Variants in DHRSX observed in about 807,000 individuals in gnomAD.
DHRSX encodes dehydrogenase/reductase X-linked.
In DHRSX, 31 loss-of-function variants were observed where a neutral mutation model predicts 34.0. The observed-to-expected ratio is 0.91, with a 90% CI of 0.69 to 1.23. The LOEUF (loss-of-function observed/expected upper bound fraction) is 1.23. Among genes scored for constraint, DHRSX ranks in the 50% most tolerant of loss-of-function variants. The pLI, the probability that DHRSX is intolerant of heterozygous loss-of-function variation, is 0.00. For missense variants in DHRSX, 414 were observed against 428.1 expected (o/e 0.97, Z 0.29); for synonymous variants, 201 against 183.8 (o/e 1.09, Z -0.76).
At chrX:2,226,494 T>G (rs2015663910) in intron 6 of DHRSX, among the ~76,000 whole-genome samples, 1 of 152,114 alleles carries the variant, frequency 6.6e-6, no homozygotes, top group Non-Finnish European at 1.5e-5. Context: ...GGCCCAGCCC[T>G]TTGTGATCTT....
intron 3 of DHRSX, among the ~76,000 whole-genome samples, chrX:2,351,633 T>C (rs935701460): frequency 3.3e-5 from 5 of 152,190 alleles, no homozygotes; most frequent in African/African-American, 1.2e-4. Context: ...CAGCCCTGAC[T>C]TCCTGCATGG....
At chrX:2,357,905 G>C (rs2042877156) in intron 3 of DHRSX, among the ~76,000 whole-genome samples, 1 of 151,920 alleles carries the variant, frequency 6.6e-6, no homozygotes, top group African/African-American at 2.4e-5. Context: ...ACATCACTGG[G>C]GTGTGGCTAC....
chrX:2,232,026 T>TCTCCTCCTC (rs2015903739), intron 6 of DHRSX, among the ~76,000 whole-genome samples: 1 of 24,174 alleles, frequency 4.1e-5, no homozygotes, highest in Non-Finnish European at 7.5e-5. Context: ...TCCTCCTTCT[T>TCTCCTCCTC]CCTTCTCCTC....
In DHRSX at chrX:2,376,379, G is replaced by C. The variant is rs1464189872; in HGVS notation, c.286+32366C>G. On this transcript the variant is annotated intron_variant, in intron 3 of 6. Coordinates refer to ENST00000334651, the MANE Select transcript of DHRSX (RefSeq NM_145177.3). Reference sequence around the variant, plus strand: ...AGCATCATTCACAATGCTGGTGTCTGTTACCCACAGAGGATGACATCGTCA... The same window carrying C: ...AGCATCATTCACAATGCTGGTGTCTCTTACCCACAGAGGATGACATCGTCA... 4.4e-5 allele frequency among the ~76,000 whole-genome samples: 6 copies of C among 137,422 alleles called. 2 individuals carry two copies. Among genetic ancestry groups the C allele is most frequent in the Non-Finnish European group, 1.0e-4 (6 of 58,214 alleles). 90.2% of individuals were successfully genotyped at this position (137,422 alleles called of 152,430 possible). A position where few individuals can be genotyped will look rare whatever the true frequency, so the allele number is the denominator to read the frequency against.
intron 1 of DHRSX, among the ~76,000 whole-genome samples, chrX:2,443,170 G>A (rs1039460909): frequency 6.6e-6 from 1 of 152,024 alleles, no homozygotes; most frequent in African/African-American, 2.4e-5. Flanking sequence ...GTAGCTGGGA[G>A]CAGATGCACA....
Position 2,249,513 on chromosome X carries a change from C to CTTTTTT in DHRSX, c.597-6289_597-6284dup, listed in dbSNP as rs753035485. ...CCACCACGCTCAGCCCTTTTTGTGC[C>CTTTTTT]TTTTTTTTTTTTTTTTTTTTTTTTT... On this transcript the variant is annotated intron_variant, in intron 5 of 6. Coordinates refer to ENST00000334651, the MANE Select transcript of DHRSX (RefSeq NM_145177.3). Among the ~76,000 whole-genome samples the CTTTTTT allele has an allele frequency of 1.1e-3, 78 of 70,192 alleles. 5 individuals carry two copies. The highest frequency in any genetic ancestry group is 3.4e-3 in the African/African-American group (72 of 21,066). The allele number at this position is 70,192 out of a possible 152,430, so 46.0% of individuals were successfully genotyped here.
At chrX:2,460,852 G>T (rs1334576383) in intron 1 of DHRSX, among the ~76,000 whole-genome samples, 1 of 151,940 alleles carries the variant, frequency 6.6e-6, no homozygotes, top group African/African-American at 2.4e-5. Flanking sequence ...CAAAGTGCAG[G>T]TATTACAAGC....
At chrX:2,387,066 G>A (rs2043280987) in intron 3 of DHRSX, among the ~76,000 whole-genome samples, 1 of 152,076 alleles carries the variant, frequency 6.6e-6, no homozygotes, top group South Asian at 2.1e-4. Flanking sequence ...TATTTTGGCT[G>A]CATTCTGCAG....
At chrX:2,414,790 C>A (rs1227136902) in intron 2 of DHRSX, among the ~76,000 whole-genome samples, 2 of 152,046 alleles carry the variant, frequency 1.3e-5, no homozygotes, top group Non-Finnish European at 2.9e-5. Context: ...CTCATCATGA[C>A]CCAATACAAG....
intron 5 of DHRSX, among the ~76,000 whole-genome samples, chrX:2,245,847 A>G (rs113911591): frequency 3.3e-5 from 5 of 151,090 alleles, no homozygotes; most frequent in Admixed American, 2.0e-4. Flanking sequence ...CTGTAGTCCC[A>G]GCTACTCCGG....
At chrX:2,237,871 G>A (rs900279794) in intron 6 of DHRSX, among the ~76,000 whole-genome samples, 7 of 152,010 alleles carry the variant, frequency 4.6e-5, no homozygotes, top group African/African-American at 9.7e-5. Flanking sequence ...TAATAGCCAC[G>A]TTCATTTGCT....
intron 5 of DHRSX, among the ~76,000 whole-genome samples, chrX:2,263,332 C>A (rs1479034338): frequency 2.6e-5 from 4 of 152,056 alleles, no homozygotes; most frequent in Non-Finnish European, 5.9e-5. Flanking sequence ...AAGGGGACCC[C>A]AGAGAGCTCC....
At chrX:2,468,181 C>T (rs2044526617) in intron 1 of DHRSX, among the ~76,000 whole-genome samples, 1 of 152,108 alleles carries the variant, frequency 6.6e-6, no homozygotes, top group African/African-American at 2.4e-5. Context: ...GGTTCTGAAC[C>T]TCTGATCTGG....
At chrX:2,271,639 T>A (rs2041556440) in intron 4 of DHRSX, among the ~76,000 whole-genome samples, 1 of 152,140 alleles carries the variant, frequency 6.6e-6, no homozygotes, top group South Asian at 2.1e-4. Flanking sequence ...CCAGTATCAA[T>A]CAGTCACAAG....
chrX:2,451,204 G>A (rs1161193952), intron 1 of DHRSX, among the ~76,000 whole-genome samples: 1 of 149,804 alleles, frequency 6.7e-6, no homozygotes, highest in Non-Finnish European at 1.5e-5. Context: ...CTGCACTCCA[G>A]CCTGGGCAAT....
intron 1 of DHRSX, among the ~76,000 whole-genome samples, chrX:2,435,860 A>T (rs2043984429): frequency 6.6e-6 from 1 of 152,262 alleles, no homozygotes; most frequent in Non-Finnish European, 1.5e-5. Flanking sequence ...CAAAAGTCCT[A>T]TCCTTCTTGA....
intron 6 of DHRSX, among the ~76,000 whole-genome samples, chrX:2,226,882 G>C (rs2015677044): frequency 6.6e-6 from 1 of 152,068 alleles, no homozygotes; most frequent in Non-Finnish European, 1.5e-5. Flanking sequence ...TGACAGGTAG[G>C]GAAAACAGCA....
chrX:2,254,177 A>G (rs369387097), intron 5 of DHRSX, among the ~76,000 whole-genome samples: 40 of 152,318 alleles, frequency 2.6e-4, no homozygotes, highest in African/African-American at 8.9e-4. Flanking sequence ...GTCCTTTTAT[A>G]TGGATCAACA....
chrX:2,272,868 T>A (rs2041575855), intron 4 of DHRSX, among the ~76,000 whole-genome samples: 1 of 152,224 alleles, frequency 6.6e-6, no homozygotes, highest in South Asian at 2.1e-4. Context: ...ACAAGCTGTA[T>A]AGAAAACAGC....
Sources: gnomAD v4.1 joint callset for allele counts (sites outside exome capture counted in the v4.1 genomes callset) on GRCh38, gnomAD v4.1.1 for gene constraint, MANE v1.5 for transcripts, NCBI Gene and HGNC (gene_info 2026-07-23, HGNC 2026-07-21) for gene names.